Variants in NDUFAF2 observed in about 807,000 individuals in gnomAD.
The protein encoded by NDUFAF2 is NADH:ubiquinone oxidoreductase complex assembly factor 2.
NDUFAF2 carries 13 observed loss-of-function variants against 22.8 expected under a neutral mutation model. The observed-to-expected ratio is 0.57, with a 90% CI of 0.37 to 0.91. The LOEUF (loss-of-function observed/expected upper bound fraction) is 0.91. Ranked by LOEUF, NDUFAF2 falls within the 40% of genes least tolerant of loss-of-function variation. The pLI, the probability that NDUFAF2 is intolerant of heterozygous loss-of-function variation, is 0.01. For synonymous variants in NDUFAF2, 53 were observed against 64.2 expected, an observed-to-expected ratio of 0.83 and a Z score of 0.84; for missense variants, 162 against 195.2, an observed-to-expected ratio of 0.83 and a Z score of 1.01.
At chr5:61,081,653 A>T (rs140931333) in intron 2 of NDUFAF2, among the ~76,000 whole-genome samples, 2,008 of 152,312 alleles carry the variant, frequency 0.013, 23 homozygotes, top group South Asian at 0.039. Context: ...AAACCTCTAT[A>T]GTTTTTCCAG....
At chr5:60,986,191 C>G (rs576471279) in intron 1 of NDUFAF2, among the ~76,000 whole-genome samples, 4 of 152,332 alleles carry the variant, frequency 2.6e-5, no homozygotes, top group African/African-American at 9.6e-5. Flanking sequence ...GATGTCTACA[C>G]TCTTGTGTTC....
intron 3 of NDUFAF2, among the ~76,000 whole-genome samples, chr5:61,133,997 T>C (rs1753143887): frequency 2.0e-5 from 3 of 152,172 alleles, no homozygotes; most frequent in Admixed American, 1.3e-4. Context: ...ATAGGGCTAT[T>C]TGTAATAGTA....
intron 1 of NDUFAF2, among the ~76,000 whole-genome samples, chr5:61,062,071 A>G (rs1465257818): frequency 6.6e-6 from 1 of 152,186 alleles, no homozygotes; most frequent in East Asian, 1.9e-4. Flanking sequence ...CTTCACCTAT[A>G]AAAACCACTC....
chr5:60,947,765 CAAAA>C (rs11285395), intron 1 of NDUFAF2, among the ~76,000 whole-genome samples: 3 of 115,734 alleles, frequency 2.6e-5, no homozygotes, highest in Non-Finnish European at 3.6e-5. Flanking sequence ...GACTCCACCT[CAAAA>C]AAAAAAAAAA....
intron 1 of NDUFAF2, among the ~76,000 whole-genome samples, chr5:60,961,932 G>A (rs1175287153): frequency 6.6e-6 from 1 of 151,288 alleles, no homozygotes; most frequent in African/African-American, 2.4e-5. Flanking sequence ...CTGCACTCCA[G>A]CCTGAGTGAC....
chr5:61,017,188 T>C (rs162235), intron 1 of NDUFAF2, among the ~76,000 whole-genome samples: 20,947 of 152,210 alleles, frequency 0.14, 1,812 homozygotes, highest in South Asian at 0.28. Flanking sequence ...GATTATGTCC[T>C]AATAAGATGA....
Position 61,091,366 on chromosome 5 carries a change from A to G in NDUFAF2, c.218-7626A>G, listed in dbSNP as rs113725233. On this transcript the variant is annotated intron_variant, in intron 2 of 3. Transcript: ENST00000296597. The stretch of plus-strand genomic sequence containing the variant: ...GTGTCTGTTATTTTTTGACTTTTTA[A>G]TAATAGCCATTCTGACTGGTGTGAG... 8.7e-3 allele frequency among the ~76,000 whole-genome samples: 1,329 copies of G among 152,210 alleles called. 22 individuals carry two copies. The highest frequency in any genetic ancestry group is 0.031 in the African/African-American group (1,273 of 41,526).
chr5:61,143,654 A>C (rs1741088678), intron 3 of NDUFAF2, among the ~76,000 whole-genome samples: 2 of 152,054 alleles, frequency 1.3e-5, no homozygotes, highest in African/African-American at 4.8e-5. Flanking sequence ...TGAACTTCAT[A>C]AATAAGCTAT....
chr5:60,980,080 A>G (rs1482323606), intron 1 of NDUFAF2, among the ~76,000 whole-genome samples: 2 of 152,210 alleles, frequency 1.3e-5, no homozygotes, highest in Non-Finnish European at 2.9e-5. Flanking sequence ...GCACTACAGC[A>G]TTACTGGGCT....
rs377223597 is a variant in NDUFAF2, at chr5:60,968,140, T to C, written c.127+22758T>C. On this transcript the variant is annotated intron_variant, in intron 1 of 3. Transcript: ENST00000296597. ...TTTGTTGGGAAATAAGTGTTCATAG[T>C]AGTCTTTTATGATCCTTTGTGTTTC... Among the ~76,000 whole-genome samples, 4 of 151,752 alleles carry C rather than the reference T, an allele frequency of 2.6e-5. No individual in the cohort carries two copies. The East Asian group carries it at 7.7e-4, about 29-fold the overall frequency.
intron 1 of NDUFAF2, among the ~76,000 whole-genome samples, chr5:60,974,627 C>T (rs1006709559): frequency 1.3e-5 from 2 of 151,466 alleles, no homozygotes; most frequent in African/African-American, 4.9e-5. Context: ...GCTGGGATTA[C>T]AGGCATGAGC....
chr5:60,982,819 T>C (rs1296887576), intron 1 of NDUFAF2, among the ~76,000 whole-genome samples: 2 of 151,794 alleles, frequency 1.3e-5, no homozygotes, highest in Admixed American at 1.3e-4. Flanking sequence ...TTTGGGTTGG[T>C]CCCAAGTCTT....
chr5:61,128,416 A>C (rs1365874392), intron 3 of NDUFAF2, among the ~76,000 whole-genome samples: 2 of 152,204 alleles, frequency 1.3e-5, no homozygotes, highest in African/African-American at 2.4e-5. Flanking sequence ...AGGCTACAGT[A>C]ACCAAAACAG....
intron 3 of NDUFAF2, among the ~76,000 whole-genome samples, chr5:61,134,424 G>A (rs903633865): frequency 1.3e-5 from 2 of 152,168 alleles, no homozygotes; most frequent in Non-Finnish European, 1.5e-5. Context: ...GGTGGCTCAC[G>A]CCTGTAATCC....
intron 3 of NDUFAF2, among the ~76,000 whole-genome samples, chr5:61,104,812 A>C (rs1270652318): frequency 6.6e-6 from 1 of 152,104 alleles, no homozygotes; most frequent in Non-Finnish European, 1.5e-5. Flanking sequence ...ACATTGGAAT[A>C]AGGGGAGTTA....
intron 1 of NDUFAF2, among the ~76,000 whole-genome samples, chr5:60,984,759 G>A (rs1348000825): frequency 6.6e-6 from 1 of 152,166 alleles, no homozygotes; most frequent in Non-Finnish European, 1.5e-5. Context: ...TGATCATGGT[G>A]GATAAGCTTT....
chr5:60,957,791 A>T (rs1428456336), intron 1 of NDUFAF2, among the ~76,000 whole-genome samples: 2 of 152,172 alleles, frequency 1.3e-5, no homozygotes, highest in Admixed American at 6.5e-5. Context: ...TGAAAGTTGT[A>T]GTTGCCTGTG....
chr5:61,059,760 T>G (rs1207069451), intron 1 of NDUFAF2, among the ~76,000 whole-genome samples: 1 of 152,114 alleles, frequency 6.6e-6, no homozygotes, highest in Non-Finnish European at 1.5e-5. Flanking sequence ...TGAAAGCTTA[T>G]CTGTAAGACT....
intron 3 of NDUFAF2, among the ~76,000 whole-genome samples, chr5:61,123,350 A>G (rs1179419928): frequency 6.6e-6 from 1 of 152,176 alleles, no homozygotes; most frequent in Non-Finnish European, 1.5e-5. Flanking sequence ...ACTAGATAGT[A>G]TAGCCTACTA....
Sources: allele counts gnomAD v4.1 joint callset (sites outside exome capture counted in the v4.1 genomes callset), GRCh38; gene constraint gnomAD v4.1.1; transcripts MANE v1.5; gene names NCBI Gene and HGNC (gene_info 2026-07-23, HGNC 2026-07-21).